RGS3: variants seen among roughly 807,000 people sequenced by gnomAD.
RGS3 encodes the protein regulator of G protein signaling 3.
A neutral mutation model predicts 132.6 loss-of-function variants in RGS3; 80 were observed. That is an observed-to-expected ratio of 0.60 (90% confidence interval 0.50 to 0.73). The LOEUF is 0.73. Ranked by LOEUF, RGS3 falls within the 30% of genes least tolerant of loss-of-function variation. The probability of loss-of-function intolerance (pLI) is 0.00; values close to 1 mark genes in which losing one functional copy is unlikely to be tolerated. For synonymous variants in RGS3, 598 were observed against 620.6 expected (o/e 0.96, Z 0.54); for missense variants, 1,382 against 1,530.8 (o/e 0.90, Z 1.62).
intron 19 of RGS3, among the ~76,000 whole-genome samples, chr9:113,566,758 G>C (rs1834029897): frequency 6.6e-6 from 1 of 152,272 alleles, no homozygotes; most frequent in African/African-American, 2.4e-5. Flanking sequence ...TTCTGGCTGG[G>C]TGGCTATCTG....
intron 7 of RGS3, among the ~76,000 whole-genome samples, chr9:113,485,956 C>T (rs1830319130): frequency 6.6e-6 from 1 of 152,226 alleles, no homozygotes; most frequent in African/African-American, 2.4e-5. Context: ...CCAGCCTACA[C>T]ATGGAAATTT....
intron 1 of RGS3, among the ~76,000 whole-genome samples, chr9:113,447,527 G>A (rs1829140718): frequency 6.6e-6 from 1 of 150,660 alleles, no homozygotes; most frequent in South Asian, 2.1e-4. Context: ...GGATGGCTTT[G>A]CCTTAGAAGG....
At chr9:113,478,326 T>A (rs1475570583) in intron 3 of RGS3, among the ~76,000 whole-genome samples, 1 of 152,152 alleles carries the variant, frequency 6.6e-6, no homozygotes, top group African/African-American at 2.4e-5. Context: ...GTGCTATAGT[T>A]CGTGGATATA....
Position 113,530,057 on chromosome 9 carries a change from C to T in RGS3, c.1914+793C>T, listed in dbSNP as rs111592756. On this transcript the variant is annotated intron_variant, in intron 18 of 24. Coordinates refer to ENST00000350696, the Ensembl canonical transcript of RGS3. Reference sequence around the variant, plus strand: ...GGCGGTGTCTGTTCAAGCAAGGATGCATTAGACACATTCCTGCCTCTGCCT... The same window carrying T: ...GGCGGTGTCTGTTCAAGCAAGGATGTATTAGACACATTCCTGCCTCTGCCT... 1.9e-3 allele frequency among the ~76,000 whole-genome samples: 287 copies of T among 152,340 alleles called. 2 individuals are homozygous for T. Among genetic ancestry groups the T allele is most frequent in the African/African-American group, 6.5e-3 (269 of 41,578 alleles).
At chr9:113,491,037 A>G (rs1166451499) in intron 7 of RGS3, among the ~76,000 whole-genome samples, 2 of 132,174 alleles carry the variant, frequency 1.5e-5, no homozygotes, top group Non-Finnish European at 3.1e-5. Context: ...ATTGGTATAT[A>G]TAATTATATA....
At chr9:113,490,401 C>G (rs1262158520) in intron 7 of RGS3, among the ~76,000 whole-genome samples, 2 of 151,448 alleles carry the variant, frequency 1.3e-5, no homozygotes, top group African/African-American at 4.9e-5. Context: ...TAAAAGATGG[C>G]TTTAAAAAAA....
intron 3 of RGS3, among the ~76,000 whole-genome samples, chr9:113,476,264 G>A (rs1299681650): frequency 2.0e-5 from 3 of 152,182 alleles, no homozygotes; most frequent in Non-Finnish European, 4.4e-5. Flanking sequence ...ACAGGAAAGA[G>A]TGCTGGAGTG....
In RGS3 at chr9:113,597,166, C is replaced by T. The variant is rs538522337; in HGVS notation, c.*213C>T. On this transcript the variant is annotated 3_prime_UTR_variant, in exon 25 of 25. Transcript: ENST00000350696. The stretch of plus-strand genomic sequence containing the variant: ...GGGCCCCGTGGGGTCCCCACTGCCC[C>T]GGTACGAGGGGGCCCAAGACCCTGG... The T allele has an allele frequency of 5.1e-5, 26 of 507,744 alleles. No individual in the cohort carries two copies. The South Asian group carries it at 5.2e-4, about 10-fold the overall frequency. The allele number at this position is 507,744 out of a possible 1,614,324, so 31.5% of individuals were successfully genotyped here.
chr9:113,548,262 G>A lies in RGS3; in HGVS notation c.2037+11344G>A, dbSNP rs77478870. Reference sequence around the variant, plus strand: ...TGGGGGCAGGAAAGGGGTCACAGACGGTCTTAGGGTTGTCTCACTCAGCAA... The same window carrying A: ...TGGGGGCAGGAAAGGGGTCACAGACAGTCTTAGGGTTGTCTCACTCAGCAA... On this transcript the variant is annotated intron_variant, in intron 19 of 24. Transcript: ENST00000350696. 7.8e-4 allele frequency among the ~76,000 whole-genome samples: 119 copies of A among 152,320 alleles called. 1 individual carries two copies. In the East Asian group the frequency reaches 0.019, roughly 25 times the overall value.
Position 113,541,154 on chromosome 9 carries a change from C to T in RGS3, c.2037+4236C>T, listed in dbSNP as rs896307396. Among the ~76,000 whole-genome samples the T allele has an allele frequency of 3.9e-5, 6 of 152,172 alleles. No individual in the cohort carries two copies. In the East Asian group the frequency reaches 9.6e-4, roughly 24 times the overall value. ...GCTCTAAGACTTCTCCCAGATGTGA[C>T]GGTGAGGTGCGTGCCACCTTGTCAT... On this transcript the variant is annotated intron_variant, in intron 19 of 24. Transcript: ENST00000350696.
In RGS3 at chr9:113,591,098, A is replaced by T. The variant is rs1338187776; in HGVS notation, c.3016-235A>T. On this transcript the variant is annotated intron_variant, in intron 20 of 24. Coordinates refer to ENST00000350696, the Ensembl canonical transcript of RGS3. This position sits in a 1 kb window ranked among gnomAD's most constrained non-coding sequence, Gnocchi z 4.4. ...CTGGCTTCTCCCCAGTGAGCTGGGG[A>T]CCTGACTGTCCCAGGAGGAGATCCC... Among the ~76,000 whole-genome samples the T allele has an allele frequency of 6.6e-6, 1 of 152,088 alleles. No homozygotes were observed. Among genetic ancestry groups the T allele is most frequent in the Non-Finnish European group, 1.5e-5 (1 of 68,008 alleles).
chr9:113,510,218 T>G (rs1359404228), intron 14 of RGS3, among the ~76,000 whole-genome samples: 1 of 152,214 alleles, frequency 6.6e-6, no homozygotes, highest in Non-Finnish European at 1.5e-5. Flanking sequence ...TTACTTCACT[T>G]AGAAAAATAG....
chr9:113,449,600 G>A (rs772521005), intron 1 of RGS3, among the ~76,000 whole-genome samples: 1 of 152,184 alleles, frequency 6.6e-6, no homozygotes, highest in Non-Finnish European at 1.5e-5. Flanking sequence ...TCAAGTTGCT[G>A]TTCCTCATTT....
intron 19 of RGS3, among the ~76,000 whole-genome samples, chr9:113,557,640 A>G (rs1443235950): frequency 6.6e-6 from 1 of 152,056 alleles, no homozygotes; most frequent in African/African-American, 2.4e-5. Context: ...CATGGTCCTC[A>G]CCCCACAGAG....
intron 19 of RGS3, chr9:113,541,905 A>G: frequency 1.0e-6 from 1 of 973,648 alleles, no homozygotes; most frequent in Non-Finnish European, 1.2e-6. Context: ...ACTTTATGCC[A>G]GGCTCTATGC....
At chr9:113,588,387 A>ACT in intron 20 of RGS3, among the ~76,000 whole-genome samples, 1 of 152,228 alleles carries the variant, frequency 6.6e-6, no homozygotes, top group East Asian at 1.9e-4. Context: ...TGGATCGGAG[A>ACT]GGGCAGCCAT....
chr9:113,519,572 G>A (rs1020069318), intron 16 of RGS3, among the ~76,000 whole-genome samples: 4 of 151,268 alleles, frequency 2.6e-5, no homozygotes, highest in African/African-American at 7.3e-5. Context: ...CTCAGCATTG[G>A]TTAGGCTTTC....
intron 20 of RGS3, among the ~76,000 whole-genome samples, chr9:113,586,095 G>A (rs569838359): frequency 5.9e-5 from 9 of 152,288 alleles, no homozygotes; most frequent in East Asian, 1.9e-4. Context: ...AACATGCCCC[G>A]AGGGATCATG....
chr9:113,557,909 T>G (rs898544398), intron 19 of RGS3, among the ~76,000 whole-genome samples: 1 of 152,162 alleles, frequency 6.6e-6, no homozygotes, highest in African/African-American at 2.4e-5. Context: ...GATCAGACAG[T>G]GCTGGTCTTG....
Sources: allele counts gnomAD v4.1 joint callset (sites outside exome capture counted in the v4.1 genomes callset), GRCh38; gene constraint gnomAD v4.1.1; non-coding constraint Gnocchi (gnomAD v3.1); transcripts MANE v1.5; gene names NCBI Gene and HGNC (gene_info 2026-07-23, HGNC 2026-07-21).